Variants in NRG1 observed in about 807,000 individuals in gnomAD.
The protein encoded by NRG1 is pro-neuregulin-1, membrane-bound isoform.
NRG1 carries 18 observed loss-of-function variants against 63.8 expected under a neutral mutation model. The observed-to-expected ratio is 0.28, with a 90% CI of 0.19 to 0.42. NRG1 has a LOEUF of 0.42. Ranked by LOEUF, NRG1 falls within the 10% of genes least tolerant of loss-of-function variation. The probability of loss-of-function intolerance (pLI) is 1.00; values close to 1 mark genes in which losing one functional copy is unlikely to be tolerated. For synonymous variants in NRG1, 302 were observed against 301.3 expected (o/e 1.00, Z -0.02); for missense variants, 762 against 814.7 (o/e 0.94, Z 0.79).
At chr8:31,749,409 C>T (rs2131447051) in intron 1 of NRG1, among the ~76,000 whole-genome samples, 2 of 151,844 alleles carry the variant, frequency 1.3e-5, no homozygotes, top group East Asian at 3.9e-4. Flanking sequence ...TTGCCAATCC[C>T]AGTGTCTTTA....
intron 2 of NRG1, among the ~76,000 whole-genome samples, chr8:32,600,184 C>G (rs1588604837): frequency 6.6e-6 from 1 of 152,050 alleles, no homozygotes; most frequent in Non-Finnish European, 1.5e-5. Flanking sequence ...TACTGAGGAT[C>G]TCTTGAGCGC....
intron 1 of NRG1, among the ~76,000 whole-genome samples, chr8:31,727,254 TC>T (rs1813545589): frequency 6.6e-6 from 1 of 152,168 alleles, no homozygotes; most frequent in Non-Finnish European, 1.5e-5. Context: ...TGTGCATGTT[TC>T]CAGGTTTTAA....
chr8:32,748,098 G>A (rs1827835454), intron 7 of NRG1, among the ~76,000 whole-genome samples: 1 of 152,008 alleles, frequency 6.6e-6, no homozygotes, highest in Admixed American at 6.6e-5. Context: ...CTCATCTCCT[G>A]CTTTTTCCCT....
intron 1 of NRG1, among the ~76,000 whole-genome samples, chr8:32,480,638 TTGGCTCA>T (rs1261722890): frequency 6.6e-6 from 1 of 152,180 alleles, no homozygotes; most frequent in East Asian, 1.9e-4. Flanking sequence ...GTGGCTTATT[TTGGCTCA>T]TGGTTCTGTA....
At chr8:32,524,955 T>G (rs1038132530) in intron 1 of NRG1, among the ~76,000 whole-genome samples, 1 of 152,242 alleles carries the variant, frequency 6.6e-6, no homozygotes, top group Non-Finnish European at 1.5e-5. Flanking sequence ...CTTTTATTTT[T>G]AAGTAGGAAA....
chr8:32,104,677 T>C (rs1831032166), intron 1 of NRG1, among the ~76,000 whole-genome samples: 1 of 152,090 alleles, frequency 6.6e-6, no homozygotes, highest in South Asian at 2.1e-4. Flanking sequence ...AATTTTTAAA[T>C]TTTTTAATAT....
In NRG1 at chr8:32,011,417, A is replaced by G. The variant is rs180868142; in HGVS notation, c.37+371986A>G. Among the ~76,000 whole-genome samples, 88 of 152,062 alleles carry G rather than the reference A, an allele frequency of 5.8e-4. 1 individual carries two copies. Among genetic ancestry groups the G allele is most frequent in the Admixed American group, 5.8e-3 (88 of 15,252 alleles). ...TACGTATCCCACGATTAACACTTCA[A>G]CCTCCAGCCCATTTTGTAAGGTTAG... On this transcript the variant is annotated intron_variant, in intron 1 of 10. Coordinates refer to the NRG1 transcript ENST00000519301.
intron 1 of NRG1, among the ~76,000 whole-genome samples, chr8:32,449,454 C>A (rs1166059886): frequency 1.3e-5 from 2 of 151,280 alleles, no homozygotes; most frequent in Non-Finnish European, 2.9e-5. Context: ...AAAAACTTAA[C>A]TCCAAAATTG....
chr8:31,663,084 A>G (rs77704797), intron 1 of NRG1, among the ~76,000 whole-genome samples: 3,193 of 152,236 alleles, frequency 0.021, 125 homozygotes, highest in African/African-American at 0.073. Flanking sequence ...ACACCCAGGC[A>G]ATGGGACACC....
chr8:32,239,460 G>T (rs11782156), intron 1 of NRG1, among the ~76,000 whole-genome samples: 60,930 of 151,470 alleles, frequency 0.4, 12,987 homozygotes, highest in Admixed American at 0.47. Flanking sequence ...CCTAAAGCTA[G>T]GTGAAGAACT....
chr8:32,486,419 C>T (rs1489969962), intron 1 of NRG1, among the ~76,000 whole-genome samples: 1 of 152,110 alleles, frequency 6.6e-6, no homozygotes, highest in Non-Finnish European at 1.5e-5. Context: ...TTACGCCACC[C>T]AGGTTGTTAG....
intron 1 of NRG1, among the ~76,000 whole-genome samples, chr8:32,526,510 C>T (rs1830859090): frequency 6.6e-6 from 1 of 152,164 alleles, no homozygotes; most frequent in African/African-American, 2.4e-5. Context: ...GGAGATTATA[C>T]AAGGCGTAAA....
At chr8:32,156,772 AC>A (rs1269095508) in intron 1 of NRG1, among the ~76,000 whole-genome samples, 1 of 152,186 alleles carries the variant, frequency 6.6e-6, no homozygotes, top group African/African-American at 2.4e-5. Flanking sequence ...CCCAGTCTCT[AC>A]AAACATTTAA....
In NRG1 at chr8:32,076,258, T is replaced by A. The variant is rs376472684; in HGVS notation, c.37+436827T>A. Among the ~76,000 whole-genome samples the A allele has an allele frequency of 5.3e-5, 8 of 152,336 alleles. No homozygotes were observed. In the South Asian group the frequency reaches 1.0e-3, roughly 20 times the overall value. ...GATCTGAACTGTTAGTAACACTGAT[T>A]AGAAATGCAGCAGTTTTATTCAGGC... On this transcript the variant is annotated intron_variant, in intron 1 of 10. Coordinates refer to the NRG1 transcript ENST00000519301.
chr8:32,612,398 G>A (rs1846515080), intron 3 of NRG1, among the ~76,000 whole-genome samples: 1 of 152,078 alleles, frequency 6.6e-6, no homozygotes, highest in Non-Finnish European at 1.5e-5. Context: ...CTCCTTTGGT[G>A]TAGAAGTATA....
intron 1 of NRG1, among the ~76,000 whole-genome samples, chr8:31,647,723 T>A (rs1415059257): frequency 6.6e-6 from 1 of 152,202 alleles, no homozygotes; most frequent in African/African-American, 2.4e-5. Context: ...ATGCTGCTGC[T>A]TTGCAAGCCC....
chr8:32,632,858 G>A (rs1850584951), intron 5 of NRG1, among the ~76,000 whole-genome samples: 1 of 152,114 alleles, frequency 6.6e-6, no homozygotes, highest in South Asian at 2.1e-4. Flanking sequence ...ATCCTTGTTA[G>A]CATTTGACAT....
intron 1 of NRG1, among the ~76,000 whole-genome samples, chr8:32,310,253 GA>G (rs1356118710): frequency 1.3e-5 from 2 of 152,154 alleles, no homozygotes; most frequent in African/African-American, 2.4e-5. Flanking sequence ...GGAATGCATA[GA>G]AAAAAGAACT....
intron 6 of NRG1, among the ~76,000 whole-genome samples, chr8:32,730,037 A>C (rs1281473393): frequency 6.6e-6 from 1 of 152,252 alleles, no homozygotes; most frequent in African/African-American, 2.4e-5. Context: ...TAAAAGACTT[A>C]GAGCCAGAAC....
Sources: allele counts gnomAD v4.1 joint callset (sites outside exome capture counted in the v4.1 genomes callset), GRCh38; gene constraint gnomAD v4.1.1; transcripts MANE v1.5; gene names NCBI Gene and HGNC (gene_info 2026-07-23, HGNC 2026-07-21).